PROZ: variants seen among roughly 807,000 people sequenced by gnomAD.
PROZ encodes vitamin K-dependent protein Z.
In PROZ, 46 loss-of-function variants were observed where a neutral mutation model predicts 34.9. The observed-to-expected ratio is 1.32, with a 90% CI of 1.04 to 1.69. The LOEUF is 1.69. PROZ is among the 40% of genes most tolerant of loss of function. The pLI is 0.00. For synonymous variants in PROZ, 195 were observed against 208.5 expected, an observed-to-expected ratio of 0.94 and a Z score of 0.56; for missense variants, 530 against 520.4, an observed-to-expected ratio of 1.02 and a Z score of -0.18.
Position 113,164,545 on chromosome 13 carries a change from G to A in PROZ, c.406G>A (p.Gly136Arg). The change falls in exon 5 of 8, where the codon GGG (glycine) becomes AGG (arginine). Residue 136 changes from glycine to arginine, a missense_variant. Physicochemically the swap from Gly to Arg is moderately radical, Grantham distance 125 (BLOSUM62 -2). Coordinates refer to ENST00000375547, the MANE Select transcript of PROZ (RefSeq NM_003891.3). ...KNECHPERTD[G>R]CQHFCLPGQE... is the part of the protein sequence containing the mutation. ...TGAATGTCACCCAGAGCGGACTGAT[G>A]GGTGTCAACACTTCTGCCTCCCAGG... is the stretch of plus-strand genomic sequence containing the variant. 1.2e-6 allele frequency: 2 copies of A among 1,612,890 alleles called. No individual in the cohort carries two copies. The highest frequency in any genetic ancestry group is 8.5e-7 in the Non-Finnish European group (1 of 1,179,910).
rs1364958535 is a variant in PROZ at position 113,159,349 on chromosome 13, C to CGCCCT, written c.70+629_70+633dup. On this transcript the variant is annotated intron_variant, in intron 1 of 7. Transcript: ENST00000375547. This position sits in a 1 kb window ranked among gnomAD's most constrained non-coding sequence, Gnocchi z 4.6. Reference sequence around the variant, plus strand: ...TCCCACCCTGAGAGGGTGATCCCCCCGCCCTGCCCTGCCCAGCACTTACCG... The same window carrying CGCCCT: ...TCCCACCCTGAGAGGGTGATCCCCCCGCCCTGCCCTGCCCTGCCCAGCACTTACCG... 5.1e-6 allele frequency: 7 copies of CGCCCT among 1,372,546 alleles called. No homozygotes were observed. Among genetic ancestry groups the CGCCCT allele is most frequent in the African/African-American group, 4.3e-5 (3 of 69,444 alleles). 85.0% of individuals were successfully genotyped at this position (1,372,546 alleles called of 1,614,324 possible). A position where few individuals can be genotyped will look rare whatever the true frequency, so the allele number is the denominator to read the frequency against.
chr13:113,169,117 A>C (rs1303889256), intron 6 of PROZ, among the ~76,000 whole-genome samples: 1 of 152,000 alleles, frequency 6.6e-6, no homozygotes, highest in Non-Finnish European at 1.5e-5. Context: ...TTGAAATCCC[A>C]TAGCTCAGAG....
At chr13:113,164,140 T>C (rs1045405304) in intron 4 of PROZ, among the ~76,000 whole-genome samples, 17 of 151,772 alleles carry the variant, frequency 1.1e-4, no homozygotes, top group Non-Finnish European at 2.9e-5. Context: ...CCACCACGCC[T>C]GGCTAATTTT....
chr13:113,164,425 C>A lies in PROZ; in HGVS notation c.374-88C>A, dbSNP rs184592210. 17 of 1,464,556 alleles carry A rather than the reference C, an allele frequency of 1.2e-5. No individual in the cohort carries two copies. In the African/African-American group the frequency reaches 1.8e-4, roughly 16 times the overall value. The allele number at this position is 1,464,556 out of a possible 1,614,324, so 90.7% of individuals were successfully genotyped here. A position where few individuals can be genotyped will look rare whatever the true frequency, so the allele number is the denominator to read the frequency against. On this transcript the variant is annotated intron_variant, in intron 4 of 7. Coordinates refer to ENST00000375547, the MANE Select transcript of PROZ (RefSeq NM_003891.3). Reference sequence around the variant, plus strand: ...GTGTGCAAGGCTGTGATAAAATGAACATGGACCAACACACAGAACTGTGTG... The same window carrying A: ...GTGTGCAAGGCTGTGATAAAATGAAAATGGACCAACACACAGAACTGTGTG...
At chr13:113,165,931 CAGCA>C (rs2036917911) in intron 6 of PROZ, among the ~76,000 whole-genome samples, 1 of 152,242 alleles carries the variant, frequency 6.6e-6, no homozygotes, top group Non-Finnish European at 1.5e-5. Context: ...GGCTAATTCC[CAGCA>C]CCTCATTCTG....
At chr13:113,170,282 C>A in intron 6 of PROZ, 131 bp from the exon 7 acceptor site, 1 of 609,058 alleles carries the variant, frequency 1.6e-6, no homozygotes, top group Non-Finnish European at 2.9e-6. Flanking sequence ...GAATCAAATA[C>A]GGCTGTCTGC....
At chr13:113,161,729 G>C (rs944815351) in intron 3 of PROZ, among the ~76,000 whole-genome samples, 2 of 151,846 alleles carry the variant, frequency 1.3e-5, no homozygotes, top group Admixed American at 6.6e-5. Context: ...GCATGAGCAG[G>C]CTCAGTCCCC....
intron 4 of PROZ, among the ~76,000 whole-genome samples, chr13:113,163,385 C>G (rs57259767): frequency 0.013 from 2,043 of 152,050 alleles, 100 homozygotes; most frequent in East Asian, 0.11. Context: ...CTCCTCCCCC[C>G]ACCACCTCAA....
chr13:113,161,252 G>GC (rs965408485), intron 3 of PROZ, among the ~76,000 whole-genome samples: 2 of 152,138 alleles, frequency 1.3e-5, no homozygotes, highest in African/African-American at 2.4e-5. Flanking sequence ...GGCCAGGAGG[G>GC]CCCCCCCAGA....
At chr13:113,166,589 G>C (rs542720494) in intron 6 of PROZ, among the ~76,000 whole-genome samples, 1 of 152,344 alleles carries the variant, frequency 6.6e-6, no homozygotes, top group South Asian at 2.1e-4. Flanking sequence ...AAGGTGGAGA[G>C]GAAGAAACCG....
chr13:113,164,742 G>T, intron 5 of PROZ, 98 bp downstream of exon 5: 1 of 1,543,026 alleles, frequency 6.5e-7, no homozygotes, highest in Non-Finnish European at 8.8e-7. Flanking sequence ...CCGCGGATTT[G>T]TGATAAGCAG....
chr13:113,164,366 A>G (rs2036855543), intron 4 of PROZ, 147 bp from the exon 5 acceptor site: 2 of 884,356 alleles, frequency 2.3e-6, no homozygotes, highest in African/African-American at 3.3e-5. Context: ...TCTGAAGAGA[A>G]TGAGAACACA....
chr13:113,167,630 C>A (rs1012632678), intron 6 of PROZ, among the ~76,000 whole-genome samples: 23 of 152,096 alleles, frequency 1.5e-4, no homozygotes, highest in African/African-American at 5.3e-4. Flanking sequence ...TTTTTCCAAT[C>A]TTCTACTTTT....
chr13:113,164,951 G>C, intron 5 of PROZ, 102 bp from the exon 6 acceptor site: 1 of 1,173,694 alleles, frequency 8.5e-7, no homozygotes, highest in Middle Eastern at 1.9e-4. Context: ...ATAATGGTTA[G>C]TACCATAGAC....
chr13:113,163,198 A>C, intron 4 of PROZ, 76 bp downstream of exon 4: 1 of 1,224,924 alleles, frequency 8.2e-7, no homozygotes, highest in Non-Finnish European at 1.2e-6. Context: ...CAGAGTCCCA[A>C]TGGGCCCCTC....
chr13:113,162,918 AGGTCCCCATTCCTGTCACCACCCCCAC>A, intron 3 of PROZ, 64 bp from the exon 4 acceptor site: 2 of 450,074 alleles, frequency 4.4e-6, no homozygotes, highest in Non-Finnish European at 7.3e-6. Context: ...CCTCCTGCTC[AGGTCCCCATTCCTGTCACCACCCCCAC>A]CCTCCTCCTG....
intron 6 of PROZ, among the ~76,000 whole-genome samples, chr13:113,166,837 T>A (rs1370015958): frequency 6.6e-6 from 1 of 152,110 alleles, no homozygotes; most frequent in Non-Finnish European, 1.5e-5. Context: ...CTGCAGGCTG[T>A]CTCCAGCTTC....
In PROZ at chr13:113,160,933, G is replaced by A; in HGVS notation, c.235-15G>A. 6.3e-7 allele frequency: 1 copy of A among 1,594,948 alleles called. No homozygotes were observed. Among genetic ancestry groups the A allele is most frequent in the East Asian group, 2.2e-5 (1 of 44,796 alleles). On this transcript the variant is annotated splice_polypyrimidine_tract_variant and intron_variant, in intron 2 of 7. Transcript: ENST00000375547. The stretch of plus-strand genomic sequence containing the variant: ...AATATCCCATTTGTAACATTTTTAT[G>A]TTTTAACTCTAAAGGATGAATTCTG...
chr13:113,165,684 C>G (rs1363647502), intron 6 of PROZ, among the ~76,000 whole-genome samples: 1 of 152,182 alleles, frequency 6.6e-6, no homozygotes, highest in Admixed American at 6.5e-5. Context: ...GAATGTGCCA[C>G]CACGCCCGGC....
Sources: gnomAD v4.1 joint callset for allele counts (sites outside exome capture counted in the v4.1 genomes callset) on GRCh38, gnomAD v4.1.1 for gene constraint, Gnocchi (gnomAD v3.1) non-coding constraint, MANE v1.5 for transcripts, NCBI Gene and HGNC (gene_info 2026-07-23, HGNC 2026-07-21) for gene names.